ZNF469: variants seen among roughly 807,000 people sequenced by gnomAD.
ZNF469 encodes zinc finger protein 469.
Under a neutral mutation model 1.0 loss-of-function variants are expected in ZNF469, and 1 was observed. The observed-to-expected ratio is 1.00, with a 90% CI of 0.35 to 4.73. ZNF469 has a LOEUF of 4.73. Ranked by LOEUF, ZNF469 falls within the 30% of genes most tolerant of loss-of-function variation. The probability of loss-of-function intolerance (pLI) is 0.16; values close to 1 mark genes in which losing one functional copy is unlikely to be tolerated. For missense variants in ZNF469, 6,100 were observed against 5,356.3 expected (o/e 1.14, Z -4.33); for synonymous variants, 2,703 against 2,363.4 (o/e 1.14, Z -4.17).
At chr16:88,101,075 T>G in the ZNF469 span, 2 of 190,620 alleles carry the variant, frequency 1.0e-5, no homozygotes, top group African/African-American at 4.8e-5. Context: ...CCAGGGTAAG[T>G]GCAGTGTGTG....
chr16:88,113,673 G>A, the ZNF469 span, among the ~76,000 whole-genome samples: 2 of 152,228 alleles, frequency 1.3e-5, no homozygotes, highest in Admixed American at 6.5e-5. Context: ...TCGTAGGTCA[G>A]GTCTGGCCTG....
chr16:88,141,251 C>T, the ZNF469 span, among the ~76,000 whole-genome samples: 13 of 152,360 alleles, frequency 8.5e-5, no homozygotes, highest in Middle Eastern at 3.4e-3. Context: ...ACAAGATGGA[C>T]GTCTTCAGTT....
the ZNF469 span, among the ~76,000 whole-genome samples, chr16:88,169,783 T>G: frequency 6.6e-6 from 1 of 152,206 alleles, no homozygotes; most frequent in Admixed American, 6.5e-5. This position sits in a 1 kb window ranked among gnomAD's most constrained non-coding sequence, Gnocchi z 6.1. Flanking sequence ...GAACAAACCC[T>G]TCTCCAGAGC....
the ZNF469 span, among the ~76,000 whole-genome samples, chr16:88,259,559 C>A: frequency 4.6e-5 from 7 of 152,184 alleles, no homozygotes; most frequent in African/African-American, 1.4e-4. This position sits in a 1 kb window ranked among gnomAD's most constrained non-coding sequence, Gnocchi z 4.1. Flanking sequence ...CAGCTGGGGG[C>A]CTGTCCAGCC....
chr16:88,287,421 C>G, the ZNF469 span, among the ~76,000 whole-genome samples: 1 of 152,192 alleles, frequency 6.6e-6, no homozygotes. Context: ...ACCAGCGGAG[C>G]CCAGCCACCT....
chr16:88,357,976 A>G, the ZNF469 span, among the ~76,000 whole-genome samples: 2 of 152,222 alleles, frequency 1.3e-5, no homozygotes, highest in African/African-American at 4.8e-5. Context: ...TTGGCCCGAA[A>G]TGTCCACTTG....
chr16:88,101,224 G>T, the ZNF469 span, among the ~76,000 whole-genome samples: 5 of 152,372 alleles, frequency 3.3e-5, 1 homozygote, highest in Admixed American at 2.6e-4. Context: ...GGGGGTGCAC[G>T]CAGGGGAACG....
At chr16:88,323,229 A>G in the ZNF469 span, among the ~76,000 whole-genome samples, 1 of 151,900 alleles carries the variant, frequency 6.6e-6, no homozygotes, top group Non-Finnish European at 1.5e-5. Flanking sequence ...AGCTCCGAGG[A>G]GGGGCCCCGG....
At chr16:88,373,763 G>A in the ZNF469 span, among the ~76,000 whole-genome samples, 1 of 152,190 alleles carries the variant, frequency 6.6e-6, no homozygotes, top group African/African-American at 2.4e-5. Context: ...TTAGGAGGCT[G>A]AGGTGGACAG....
At chr16:88,340,055 G>A in the ZNF469 span, among the ~76,000 whole-genome samples, 1 of 152,080 alleles carries the variant, frequency 6.6e-6, no homozygotes, top group Non-Finnish European at 1.5e-5. Context: ...GCAGTGCCAG[G>A]TCTGAGCCAC....
At chr16:88,259,748 C>T in the ZNF469 span, among the ~76,000 whole-genome samples, 1 of 152,160 alleles carries the variant, frequency 6.6e-6, no homozygotes, top group Non-Finnish European at 1.5e-5. This position sits in a 1 kb window ranked among gnomAD's most constrained non-coding sequence, Gnocchi z 4.1. Flanking sequence ...GGCCCCCAAG[C>T]GGCCTCCCCA....
the ZNF469 span, among the ~76,000 whole-genome samples, chr16:88,321,584 A>G: frequency 6.6e-6 from 1 of 151,416 alleles, no homozygotes; most frequent in African/African-American, 2.4e-5. Flanking sequence ...GATTCTGCTC[A>G]TAAGGCCTTA....
At chr16:88,133,376 C>G in the ZNF469 span, among the ~76,000 whole-genome samples, 2 of 152,244 alleles carry the variant, frequency 1.3e-5, no homozygotes, top group East Asian at 3.8e-4. Context: ...CTGCAACCCT[C>G]CCTGTCAAGC....
intron 1 of ZNF469, among the ~76,000 whole-genome samples, chr16:88,421,339 G>A (rs1363764407): frequency 6.6e-6 from 1 of 152,190 alleles, no homozygotes; most frequent in Non-Finnish European, 1.5e-5. Flanking sequence ...GGGTCTCCCT[G>A]GGGCCAGCCC....
chr16:88,157,576 C>T, the ZNF469 span, among the ~76,000 whole-genome samples: 1 of 152,062 alleles, frequency 6.6e-6, no homozygotes, highest in Non-Finnish European at 1.5e-5. Context: ...CCAAGGCCCC[C>T]AAACCTGCTC....
At chr16:88,115,042 C>T in the ZNF469 span, among the ~76,000 whole-genome samples, 18 of 152,294 alleles carry the variant, frequency 1.2e-4, no homozygotes, top group Admixed American at 1.1e-3. Context: ...CCCTCCAGGT[C>T]GCAGGGCAGT....
chr16:88,437,509 C>T lies in ZNF469; in HGVS notation c.10039C>T (p.Pro3347Ser), dbSNP rs933338880. 1.3e-6 allele frequency: 2 copies of T among 1,542,586 alleles called. No individual in the cohort carries two copies. The highest frequency in any genetic ancestry group is 2.8e-5 in the African/African-American group (2 of 72,558). Residue 3347 changes from proline (P) to serine (S), a missense_variant, in exon 3 of 3, where the codon CCC (proline) becomes TCC (serine). Physicochemically the swap from Pro to Ser is moderately conservative, Grantham distance 74. Transcript: ENST00000565624. Reference protein sequence around the residue: ...RDCHHCGKRFPKPFKLQRHLA... With the variant: ...RDCHHCGKRFSKPFKLQRHLA... ...CTGCCACCACTGCGGGAAGCGCTTC[C>T]CCAAGCCCTTCAAGCTGCAGCGCCA...
chr16:88,392,280 C>T (rs181781734), intron 1 of ZNF469, among the ~76,000 whole-genome samples: 2 of 152,382 alleles, frequency 1.3e-5, no homozygotes, highest in East Asian at 3.9e-4. Context: ...GCCACGTATG[C>T]CCGCAGCTGC....
At chr16:88,233,431 C>G in the ZNF469 span, among the ~76,000 whole-genome samples, 1 of 152,238 alleles carries the variant, frequency 6.6e-6, no homozygotes, top group South Asian at 2.1e-4. Context: ...TCTTCCTGGC[C>G]TGGGCCGTGG....
Sources: allele counts gnomAD v4.1 joint callset (sites outside exome capture counted in the v4.1 genomes callset), GRCh38; gene constraint gnomAD v4.1.1; non-coding constraint Gnocchi (gnomAD v3.1); transcripts MANE v1.5; gene names NCBI Gene and HGNC (gene_info 2026-07-23, HGNC 2026-07-21).